The following TPCN1 variants were observed in gnomAD, a reference collection of about 807,000 sequenced individuals.
TPCN1 encodes two pore segment channel 1.
In TPCN1, 52 loss-of-function variants were observed where a neutral mutation model predicts 108.8. The ratio of observed to expected loss-of-function variants is 0.48; its 90% CI spans 0.38 to 0.60. The LOEUF is 0.60. TPCN1 is among the 20% of genes least tolerant of loss of function. TPCN1 has a pLI of 0.00. For missense variants in TPCN1, 806 were observed against 1,072.8 expected (o/e 0.75, Z 3.47); for synonymous variants, 446 against 433.7 (o/e 1.03, Z -0.35).
chr12:113,226,590 C>A, intron 1 of TPCN1, 138 bp from the exon 2 acceptor site: 2 of 764,184 alleles, frequency 2.6e-6, no homozygotes, highest in Non-Finnish European at 4.1e-6. Flanking sequence ...CCTAGTTCAC[C>A]ATTTTAAAGA....
chr12:113,235,430 ATTG>A (rs1953850220), intron 2 of TPCN1, among the ~76,000 whole-genome samples: 1 of 150,316 alleles, frequency 6.7e-6, no homozygotes. Flanking sequence ...ACCTTTTTTT[ATTG>A]TTGTTAGCTT....
chr12:113,233,645 A>T (rs1475515859), intron 2 of TPCN1, among the ~76,000 whole-genome samples: 2 of 152,138 alleles, frequency 1.3e-5, no homozygotes, highest in African/African-American at 4.8e-5. Flanking sequence ...ATGCCTGGGG[A>T]GAGGATGTGC....
At chr12:113,241,395 A>G (rs1355530923) in intron 2 of TPCN1, among the ~76,000 whole-genome samples, 1 of 152,354 alleles carries the variant, frequency 6.6e-6, no homozygotes, top group African/African-American at 2.4e-5. Flanking sequence ...GGGCGTGGCC[A>G]GTGTTCATGG....
intron 2 of TPCN1, among the ~76,000 whole-genome samples, chr12:113,237,358 T>A (rs571790077): frequency 1.3e-5 from 2 of 150,948 alleles, no homozygotes; most frequent in East Asian, 4.0e-4. Context: ...AGTTCCTACT[T>A]CTTTTTTTTT....
At position 113,285,967 on chromosome 12, in the gene TPCN1, T is replaced by C. The variant is rs1234794166; in HGVS notation, c.1526+6T>C. The C allele has an allele frequency of 6.2e-7, 1 of 1,613,380 alleles. No individual in the cohort carries two copies. The highest frequency in any genetic ancestry group is 1.7e-5 in the Admixed American group (1 of 60,018). ...TTGTCTTCCGGATGGAACTTGTGAG[T>C]GGACAGCATGTTTCTGACCCAAAGC... On this transcript the variant is annotated splice_donor_region_variant and intron_variant, in intron 18 of 27. Transcript: ENST00000335509.
Position 113,288,958 on chromosome 12 carries a change from T to G in TPCN1, c.1796+111T>G. The G allele has an allele frequency of 9.4e-7, 1 of 1,058,890 alleles. No individual in the cohort carries two copies. Among genetic ancestry groups the G allele is most frequent in the Non-Finnish European group, 1.4e-6 (1 of 694,518 alleles). The allele number at this position is 1,058,890 out of a possible 1,614,324, so 65.6% of individuals were successfully genotyped here. ...TGGGGTCCTCGGGGATGTTCCTGTC[T>G]AAGCAACCACCTTGCTTTGCTTTCA... On this transcript the variant is annotated intron_variant, in intron 21 of 27. Transcript: ENST00000335509. The surrounding 1 kb of genome is among the most constrained non-coding windows in gnomAD (Gnocchi z 4.8).
intron 4 of TPCN1, 85 bp from the exon 5 acceptor site, chr12:113,267,758 C>G: frequency 3.4e-6 from 3 of 894,260 alleles, no homozygotes; most frequent in South Asian, 2.7e-5. Flanking sequence ...TCCTGGGGCA[C>G]TCCCAGGTCC....
chr12:113,261,412 C>G (rs555986550), intron 3 of TPCN1, among the ~76,000 whole-genome samples: 4 of 87,496 alleles, frequency 4.6e-5, no homozygotes, highest in African/African-American at 1.9e-4. Context: ...ATAGCATAAG[C>G]TTTTTTTTTT....
Position 113,295,954 on chromosome 12 carries a change from C to T in TPCN1, c.2335-6C>T. On this transcript the variant is annotated splice_region_variant and splice_polypyrimidine_tract_variant and intron_variant, in intron 27 of 27. Coordinates refer to ENST00000335509, the MANE Select transcript of TPCN1 (RefSeq NM_017901.6). ...CCCTCAGCACCCCTTCTGCTCTCTT[C>T]TCCAGGAGTGGTATGAGGAGCATGC... is the stretch of plus-strand genomic sequence containing the variant. 6.3e-7 allele frequency: 1 copy of T among 1,591,212 alleles called. No homozygotes were observed. Among genetic ancestry groups the T allele is most frequent in the South Asian group, 1.1e-5 (1 of 88,800 alleles).
At chr12:113,277,114 C>A in intron 11 of TPCN1, 79 bp downstream of exon 11, 2 of 1,595,552 alleles carry the variant, frequency 1.3e-6, no homozygotes, top group Admixed American at 1.7e-5. Context: ...CATGGCCAGG[C>A]CAGCCACTTT....
chr12:113,287,796 T>C (rs1956133867), intron 19 of TPCN1, among the ~76,000 whole-genome samples: 1 of 152,104 alleles, frequency 6.6e-6, no homozygotes, highest in African/African-American at 2.4e-5. Context: ...CCTTCTTCAC[T>C]GGTGAGCTCC....
chr12:113,286,018 C>A (rs1956063281), intron 18 of TPCN1, 57 bp downstream of exon 18: 3 of 1,449,130 alleles, frequency 2.1e-6, no homozygotes, highest in Non-Finnish European at 1.9e-6. Flanking sequence ...TGGCCCCAGA[C>A]CCTTCTCTGC....
intron 3 of TPCN1, among the ~76,000 whole-genome samples, chr12:113,260,814 T>C (rs1298232216): frequency 6.6e-6 from 1 of 152,216 alleles, no homozygotes; most frequent in Non-Finnish European, 1.5e-5. Context: ...GGGAATTCTT[T>C]ACATACTGAA....
At chr12:113,252,304 G>A (rs541071415) in intron 2 of TPCN1, among the ~76,000 whole-genome samples, 3 of 152,278 alleles carry the variant, frequency 2.0e-5, no homozygotes, top group Admixed American at 6.5e-5. Flanking sequence ...CGTGGGACGC[G>A]TCGGGCCACC....
At chr12:113,275,675 C>T (rs1955649287) in intron 10 of TPCN1, among the ~76,000 whole-genome samples, 1 of 151,746 alleles carries the variant, frequency 6.6e-6, no homozygotes, top group Admixed American at 6.6e-5. Context: ...TGGATTCACA[C>T]CATTCTCCTG....
rs550037667 is a variant in TPCN1, at chr12:113,288,646, C to G, written c.1707-112C>G. 3 of 1,540,100 alleles carry G rather than the reference C, an allele frequency of 1.9e-6. No homozygotes were observed. Among genetic ancestry groups the G allele is most frequent in the Admixed American group, 1.9e-5 (1 of 53,526 alleles). The stretch of plus-strand genomic sequence containing the variant: ...CGCAGGCACTTTCCAGTTGGTGAAC[C>G]GACCAGGGGCATGGCCCTGCAGTCA... On this transcript the variant is annotated intron_variant, in intron 20 of 27. Transcript: ENST00000335509. This position sits in a 1 kb window ranked among gnomAD's most constrained non-coding sequence, Gnocchi z 4.8.
intron 10 of TPCN1, among the ~76,000 whole-genome samples, chr12:113,276,649 G>A (rs1466459329): frequency 3.3e-5 from 5 of 152,190 alleles, no homozygotes; most frequent in Non-Finnish European, 7.3e-5. Flanking sequence ...AGGAGTGTGG[G>A]AAAGTGGAGG....
chr12:113,265,041 G>T (rs1955200706), intron 3 of TPCN1, among the ~76,000 whole-genome samples: 2 of 152,084 alleles, frequency 1.3e-5, no homozygotes, highest in Admixed American at 1.3e-4. Flanking sequence ...GGCCAGGCCG[G>T]CCTCGAACTC....
chr12:113,278,721 G>A (rs1235492823), intron 13 of TPCN1, 51 bp from the exon 14 acceptor site: 1 of 1,519,658 alleles, frequency 6.6e-7, no homozygotes, highest in Non-Finnish European at 9.1e-7. Flanking sequence ...TCCAGGCAGG[G>A]CCCTGGTCCC....
Sources: allele counts gnomAD v4.1 joint callset (sites outside exome capture counted in the v4.1 genomes callset), GRCh38; gene constraint gnomAD v4.1.1; non-coding constraint Gnocchi (gnomAD v3.1); transcripts MANE v1.5; gene names NCBI Gene and HGNC (gene_info 2026-07-23, HGNC 2026-07-21).